CREB1: variants seen among roughly 807,000 people sequenced by gnomAD.
The protein encoded by CREB1 is cAMP responsive element binding protein 1, also known as cyclic AMP-responsive element-binding protein 1.
CREB1 carries 2 observed loss-of-function variants against 42.0 expected under a neutral mutation model. The observed-to-expected ratio is 0.05, with a 90% CI of 0.02 to 0.15. The LOEUF is 0.15. CREB1 is among the 10% of genes least tolerant of loss of function. CREB1 has a pLI of 1.00. For synonymous variants in CREB1, 123 were observed against 139.9 expected (o/e 0.88, Z 0.85); for missense variants, 199 against 388.9 (o/e 0.51, Z 4.11).
intron 1 of CREB1, among the ~76,000 whole-genome samples, chr2:207,542,063 AG>A (rs2081119597): frequency 6.6e-6 from 1 of 152,234 alleles, no homozygotes; most frequent in Non-Finnish European, 1.5e-5. Context: ...TTATGGATAT[AG>A]AACATTTTAT....
At chr2:207,562,056 C>G (rs1434583089) in intron 3 of CREB1, among the ~76,000 whole-genome samples, 1 of 152,130 alleles carries the variant, frequency 6.6e-6, no homozygotes, top group African/African-American at 2.4e-5. Flanking sequence ...GATCTAAGAA[C>G]TTGATATTTC....
At position 207,597,144 on chromosome 2, in the gene CREB1, T is replaced by G. The variant is rs978485495; in HGVS notation, c.*86T>G. On this transcript the variant is annotated 3_prime_UTR_variant, in exon 8 of 8. Coordinates refer to ENST00000353267, the MANE Select transcript of CREB1 (RefSeq NM_004379.5). ...AAGACAAAATAAACATTTTATTTTC[T>G]AAACATTTCTTTTTTTCTATGCGCA... 1.4e-6 allele frequency: 2 copies of G among 1,416,666 alleles called. No homozygotes were observed. Among genetic ancestry groups the G allele is most frequent in the East Asian group, 5.1e-5 (2 of 38,916 alleles). The allele number at this position is 1,416,666 out of a possible 1,614,324, so 87.8% of individuals were successfully genotyped here.
chr2:207,567,652 C>A, intron 4 of CREB1, 89 bp downstream of exon 4: 1 of 789,926 alleles, frequency 1.3e-6, no homozygotes, highest in Non-Finnish European at 2.1e-6. Flanking sequence ...GTTAGTTGTT[C>A]ACGTCAGTTC....
intron 7 of CREB1, among the ~76,000 whole-genome samples, chr2:207,578,243 A>G (rs2082670938): frequency 6.6e-6 from 1 of 152,240 alleles, no homozygotes; most frequent in Non-Finnish European, 1.5e-5. Flanking sequence ...ATGTTGGTAA[A>G]GCAATTCTCA....
intron 1 of CREB1, among the ~76,000 whole-genome samples, chr2:207,545,028 C>T (rs1365977926): frequency 6.6e-6 from 1 of 151,962 alleles, no homozygotes; most frequent in African/African-American, 2.4e-5. Flanking sequence ...TTAACATATG[C>T]GTGCATGTAT....
rs1394536647 is a variant in CREB1, at chr2:207,602,691, GC to G, written c.*5634del. Reference sequence around the variant, plus strand: ...TCTTATGTTTTTAAAATTGGTAAATGCTTTATAGATGTATTTTTATCCAAGT... The same window carrying G: ...TCTTATGTTTTTAAAATTGGTAAATGTTTATAGATGTATTTTTATCCAAGT... On this transcript the variant is annotated 3_prime_UTR_variant, in exon 8 of 8. Transcript: ENST00000353267. 4.8e-6 allele frequency: 1 copy of G among 209,730 alleles called. No individual in the cohort carries two copies. The highest frequency in any genetic ancestry group is 7.2e-5 in the East Asian group (1 of 13,922). The allele number at this position is 209,730 out of a possible 1,614,324, so 13.0% of individuals were successfully genotyped here.
Position 207,560,255 on chromosome 2 carries a change from A to T in CREB1, c.144A>T (p.Ser48=), listed in dbSNP as rs770940559. 5.6e-6 allele frequency: 9 copies of T among 1,613,114 alleles called. No individual in the cohort carries two copies. The South Asian group carries it at 9.9e-5, about 18-fold the overall frequency. The stretch of plus-strand genomic sequence containing the variant: ...CTATGCCAGCAGCTCATGCAACATC[A>T]TCTGCTCCCACCGTAACTCTAGTAC... ...QVSMPAAHAT[S]SAPTVTLVQL... is the part of the protein sequence containing the mutation. The change falls in exon 3 of 8, where the codon TCA becomes TCT. Residue 48 remains serine (S), a synonymous_variant. Transcript: ENST00000353267.
Position 207,577,660 on chromosome 2 carries a change from A to G in CREB1, c.839+5A>G. 3 of 1,613,776 alleles carry G rather than the reference A, an allele frequency of 1.9e-6. No homozygotes were observed. The highest frequency in any genetic ancestry group is 2.5e-6 in the Non-Finnish European group (3 of 1,179,858). ...GGTCCGTCTAATGAAGAACAGGTAC[A>G]AATACTGCATTTACTTAGATTGTTA... On this transcript the variant is annotated splice_donor_5th_base_variant and intron_variant, in intron 7 of 7. Transcript: ENST00000353267.
chr2:207,533,548 T>C (rs1020190864), intron 1 of CREB1, among the ~76,000 whole-genome samples: 2 of 152,226 alleles, frequency 1.3e-5, no homozygotes, highest in Non-Finnish European at 2.9e-5. Flanking sequence ...ATAAATAGCT[T>C]ATCAGATATG....
intron 7 of CREB1, chr2:207,578,009 G>A (rs1186923066): frequency 4.0e-6 from 1 of 250,774 alleles, no homozygotes; most frequent in East Asian, 1.1e-4. Context: ...TTTCATATAT[G>A]TATATTAACT....
In CREB1 at chr2:207,602,922, A is replaced by C. The variant is rs2087339353; in HGVS notation, c.*5864A>C. The C allele has an allele frequency of 4.6e-6, 1 of 216,244 alleles. No individual in the cohort carries two copies. Among genetic ancestry groups the C allele is most frequent in the African/African-American group, 2.2e-5 (1 of 44,446 alleles). The allele number at this position is 216,244 out of a possible 1,614,324, so 13.4% of individuals were successfully genotyped here. On this transcript the variant is annotated 3_prime_UTR_variant, in exon 8 of 8. Coordinates refer to ENST00000353267, the MANE Select transcript of CREB1 (RefSeq NM_004379.5). ...CTGCAAAAGGAATTATTTCTAACCC[A>C]GATGTATCACTTGAAACTTTTTAGA...
At chr2:207,575,944 C>CCCG (rs2082567173) in intron 6 of CREB1, among the ~76,000 whole-genome samples, 2 of 63,568 alleles carry the variant, frequency 3.1e-5, no homozygotes, top group Non-Finnish European at 4.4e-5. Flanking sequence ...TCCCCCCCCC[C>CCCG]CCCCAAAAGA....
chr2:207,581,268 G>A (rs2082922243), intron 7 of CREB1: 2 of 197,754 alleles, frequency 1.0e-5, no homozygotes, highest in East Asian at 1.6e-4. Context: ...AATGGATAGG[G>A]TAAAAAATTT....
Position 207,605,901 on chromosome 2 carries a change from T to A in CREB1, c.*8843T>A, listed in dbSNP as rs777226825. Among the ~76,000 whole-genome samples, 28 of 152,390 alleles carry A rather than the reference T, an allele frequency of 1.8e-4. No individual in the cohort carries two copies. The highest frequency in any genetic ancestry group is 8.8e-5 in the Non-Finnish European group (6 of 68,028). ...ATTATTAGGTATCTGCTAAGCAATT[T>A]TTATTAACTTATGTTGATTACTATT... is the stretch of plus-strand genomic sequence containing the variant. On this transcript the variant is annotated 3_prime_UTR_variant, in exon 8 of 8. Coordinates refer to ENST00000353267, the MANE Select transcript of CREB1 (RefSeq NM_004379.5).
intron 1 of CREB1, 34 bp from the exon 2 acceptor site, chr2:207,555,594 G>A: frequency 2.2e-6 from 3 of 1,355,196 alleles, no homozygotes; most frequent in Non-Finnish European, 3.1e-6. Context: ...ACAAAGCACT[G>A]TGGTGCTTGT....
intron 1 of CREB1, among the ~76,000 whole-genome samples, chr2:207,540,800 A>G (rs1021700539): frequency 1.3e-5 from 2 of 151,280 alleles, no homozygotes; most frequent in Admixed American, 6.6e-5. Context: ...TGTACAATTT[A>G]TTTGTGTTTT....
At chr2:207,558,908 G>A (rs1216586744) in intron 2 of CREB1, among the ~76,000 whole-genome samples, 3 of 152,186 alleles carry the variant, frequency 2.0e-5, no homozygotes, top group Non-Finnish European at 4.4e-5. Context: ...CTCCCAAAGT[G>A]CTGGGATTAC....
Position 207,590,341 on chromosome 2 carries a change from C to T in CREB1, c.840-6573C>T, listed in dbSNP as rs960188161. 3.3e-5 allele frequency among the ~76,000 whole-genome samples: 5 copies of T among 151,864 alleles called. No individual in the cohort carries two copies. In the East Asian group the frequency reaches 7.8e-4, roughly 24 times the overall value. Reference sequence around the variant, plus strand: ...TCTCTCTGTATTCGCCACCCCTACCCCAGCCACCCTCCTTTTTTTTTAAGT... The same window carrying T: ...TCTCTCTGTATTCGCCACCCCTACCTCAGCCACCCTCCTTTTTTTTTAAGT... On this transcript the variant is annotated intron_variant, in intron 7 of 7. Transcript: ENST00000353267.
chr2:207,557,358 G>A lies in CREB1; in HGVS notation c.114+1609G>A, dbSNP rs181249326. 3.8e-4 allele frequency among the ~76,000 whole-genome samples: 58 copies of A among 152,202 alleles called. No individual in the cohort carries two copies. The East Asian group carries it at 0.01, about 26-fold the overall frequency. On this transcript the variant is annotated intron_variant, in intron 2 of 7. Coordinates refer to ENST00000353267, the MANE Select transcript of CREB1 (RefSeq NM_004379.5). ...TTCAGTGGTTTTATGAGAAAGAAAG[G>A]TTGGCTGAGTAAAGATAGCATGTTA... is the stretch of plus-strand genomic sequence containing the variant.
Sources: allele counts gnomAD v4.1 joint callset (sites outside exome capture counted in the v4.1 genomes callset), GRCh38; gene constraint gnomAD v4.1.1; transcripts MANE v1.5; gene names NCBI Gene and HGNC (gene_info 2026-07-23, HGNC 2026-07-21).